EBF1: variants seen among roughly 807,000 people sequenced by gnomAD.
The protein encoded by EBF1 is transcription factor COE1.
Under a neutral mutation model 68.4 loss-of-function variants are expected in EBF1, and 10 were observed. The observed-to-expected ratio is 0.15, with a 90% CI of 0.09 to 0.25. The LOEUF is 0.25. Ranked by LOEUF, EBF1 falls within the 10% of genes least tolerant of loss-of-function variation. The pLI, the probability that EBF1 is intolerant of heterozygous loss-of-function variation, is 1.00. For missense variants in EBF1, 509 were observed against 794.4 expected, an observed-to-expected ratio of 0.64 and a Z score of 4.32; for synonymous variants, 298 against 299.8, an observed-to-expected ratio of 0.99 and a Z score of 0.06.
intron 9 of EBF1, among the ~76,000 whole-genome samples, chr5:158,786,854 A>C (rs898414483): frequency 3.3e-5 from 5 of 152,204 alleles, no homozygotes; most frequent in African/African-American, 1.2e-4. Context: ...AAGCCAAAAG[A>C]CTGATAAAGT....
chr5:158,857,292 T>C (rs1174951069), intron 6 of EBF1, among the ~76,000 whole-genome samples: 1 of 151,868 alleles, frequency 6.6e-6, no homozygotes. Context: ...CCATCAAATA[T>C]CACATGCACT....
chr5:158,711,470 A>G (rs1393227532), intron 14 of EBF1, among the ~76,000 whole-genome samples: 1 of 152,200 alleles, frequency 6.6e-6, no homozygotes, highest in Admixed American at 6.5e-5. Flanking sequence ...TATCTTCTCT[A>G]TGTCTCACAA....
intron 11 of EBF1, among the ~76,000 whole-genome samples, chr5:158,717,822 AAAC>A (rs1436453790): frequency 1.3e-4 from 20 of 152,228 alleles, no homozygotes; most frequent in Admixed American, 4.6e-4. Context: ...TACTCCTTAA[AAAC>A]AACAACTACT....
chr5:158,851,955 GAAGGC>G (rs1792927825), intron 6 of EBF1, among the ~76,000 whole-genome samples: 1 of 27,568 alleles, frequency 3.6e-5, no homozygotes, highest in African/African-American at 1.7e-4. Context: ...AAGGGGAGGG[GAAGGC>G]AGGGAAGGGT....
intron 2 of EBF1, 31 bp downstream of exon 2, chr5:159,096,943 G>A: frequency 6.2e-7 from 1 of 1,609,762 alleles, no homozygotes. Flanking sequence ...CCGAGCCGGG[G>A]ACGAGGGGCG....
chr5:158,922,627 C>T (rs947226652), intron 6 of EBF1, among the ~76,000 whole-genome samples: 3 of 152,024 alleles, frequency 2.0e-5, no homozygotes, highest in Non-Finnish European at 2.9e-5. Context: ...AGTAGATTTA[C>T]GGAAAGTTAA....
chr5:159,003,501 T>C (rs544022350), intron 6 of EBF1, among the ~76,000 whole-genome samples: 1 of 151,904 alleles, frequency 6.6e-6, no homozygotes, highest in South Asian at 2.1e-4. Flanking sequence ...CACTTGAAGA[T>C]TTAATCTGAT....
At chr5:158,822,122 T>C (rs1353058027) in intron 8 of EBF1, among the ~76,000 whole-genome samples, 1 of 152,082 alleles carries the variant, frequency 6.6e-6, no homozygotes, top group Non-Finnish European at 1.5e-5. Flanking sequence ...GTGGTAGTGT[T>C]CTGAAAAGAA....
chr5:159,045,134 T>C (rs1772082223), intron 6 of EBF1, among the ~76,000 whole-genome samples: 2 of 152,178 alleles, frequency 1.3e-5, no homozygotes, highest in African/African-American at 4.8e-5. Flanking sequence ...TTTGGTTCAT[T>C]ATTTAACTTC....
At chr5:158,996,979 C>T (rs1423015735) in intron 6 of EBF1, among the ~76,000 whole-genome samples, 1 of 152,182 alleles carries the variant, frequency 6.6e-6, no homozygotes, top group Non-Finnish European at 1.5e-5. Context: ...ACACCCCATC[C>T]TCTTCTCTTT....
At chr5:158,932,614 G>A (rs1442325031) in intron 6 of EBF1, among the ~76,000 whole-genome samples, 1 of 152,076 alleles carries the variant, frequency 6.6e-6, no homozygotes, top group Non-Finnish European at 1.5e-5. Flanking sequence ...ATACCCAGAT[G>A]TTATTAGAAG....
At position 158,945,051 on chromosome 5, in the gene EBF1, G is replaced by T. The variant is rs10052457; in HGVS notation, c.555-104941C>A. On this transcript the variant is annotated intron_variant, in intron 6 of 15. Coordinates refer to ENST00000313708, the MANE Select transcript of EBF1 (RefSeq NM_024007.5). ...GTTCACTCTGATAATAGTTTATTTT[G>T]CTGTGCAGAAGCTCTTTAGTTTAAT... Among the ~76,000 whole-genome samples, 821 of 152,190 alleles carry T rather than the reference G, an allele frequency of 5.4e-3. 11 individuals are homozygous for T. The highest frequency in any genetic ancestry group is 0.019 in the African/African-American group (781 of 41,516).
chr5:159,072,863 C>A (rs1372296517), intron 6 of EBF1, among the ~76,000 whole-genome samples: 1 of 152,172 alleles, frequency 6.6e-6, no homozygotes, highest in African/African-American at 2.4e-5. Context: ...AATTAATCAA[C>A]TTACAATATG....
chr5:158,777,651 G>C, intron 9 of EBF1, 112 bp from the exon 10 acceptor site: 1 of 1,135,064 alleles, frequency 8.8e-7, no homozygotes, highest in South Asian at 2.2e-5. Context: ...ACCTGTCTAT[G>C]TTTAAATCCA....
chr5:158,995,422 T>G (rs1761204982), intron 6 of EBF1, among the ~76,000 whole-genome samples: 1 of 152,186 alleles, frequency 6.6e-6, no homozygotes, highest in Admixed American at 6.5e-5. Context: ...GGCTTAGAAC[T>G]GCTGTGAATT....
intron 10 of EBF1, among the ~76,000 whole-genome samples, chr5:158,740,806 CCTGA>C (rs1472570795): frequency 4.6e-5 from 7 of 152,260 alleles, no homozygotes; most frequent in African/African-American, 1.4e-4. Flanking sequence ...GTCTCCTCCC[CCTGA>C]CTATTATACT....
rs563229665 is a variant in EBF1 at position 158,973,380 on chromosome 5, T to C, written c.554+100016A>G. Among the ~76,000 whole-genome samples, 141 of 152,002 alleles carry C rather than the reference T, an allele frequency of 9.3e-4. 1 individual carries two copies. The highest frequency in any genetic ancestry group is 3.2e-3 in the African/African-American group (133 of 41,436). ...CATTCTTCACACTCTCCTACCCCAA[T>C]CCCACCCCTTCACCTACATGACTTC... On this transcript the variant is annotated intron_variant, in intron 6 of 15. Coordinates refer to ENST00000313708, the MANE Select transcript of EBF1 (RefSeq NM_024007.5).
At chr5:159,076,083 A>G (rs937911088) in intron 5 of EBF1, among the ~76,000 whole-genome samples, 7 of 150,742 alleles carry the variant, frequency 4.6e-5, no homozygotes, top group African/African-American at 1.7e-4. Context: ...TTATATTTTT[A>G]CATATATGTG....
chr5:158,853,650 G>A (rs1295573869), intron 6 of EBF1, among the ~76,000 whole-genome samples: 1 of 152,074 alleles, frequency 6.6e-6, no homozygotes, highest in Admixed American at 6.6e-5. Flanking sequence ...TGAGAGGGTG[G>A]CAGGAGACGA....
Sources: gnomAD v4.1 joint callset for allele counts (sites outside exome capture counted in the v4.1 genomes callset) on GRCh38, gnomAD v4.1.1 for gene constraint, MANE v1.5 for transcripts, NCBI Gene and HGNC (gene_info 2026-07-23, HGNC 2026-07-21) for gene names.